The following ZBTB20 variants were observed in gnomAD, a reference collection of about 807,000 sequenced individuals.
The protein encoded by ZBTB20 is zinc finger and BTB domain-containing protein 20.
ZBTB20 carries 9 observed loss-of-function variants against 56.9 expected under a neutral mutation model. The ratio of observed to expected loss-of-function variants is 0.16; its 90% CI spans 0.10 to 0.28. The LOEUF is 0.28. Among genes scored for constraint, ZBTB20 ranks in the 10% least tolerant of loss-of-function variants. The pLI is 1.00. For synonymous variants in ZBTB20, 417 were observed against 420.7 expected, an observed-to-expected ratio of 0.99 and a Z score of 0.11; for missense variants, 655 against 1,003.0, an observed-to-expected ratio of 0.65 and a Z score of 4.69.
intron 6 of ZBTB20, among the ~76,000 whole-genome samples, chr3:114,540,966 C>T (rs2110104144): frequency 6.6e-6 from 1 of 152,118 alleles, no homozygotes; most frequent in East Asian, 1.9e-4. Flanking sequence ...AAGAGAAATA[C>T]TGAACCCTAG....
intron 5 of ZBTB20, 123 bp from the exon 6 acceptor site, chr3:114,693,698 A>G (rs1236972954): frequency 6.6e-6 from 1 of 152,132 alleles, no homozygotes; most frequent in East Asian, 1.9e-4. Flanking sequence ...GTGGTAGTAT[A>G]TAAAAAGTAA....
intron 5 of ZBTB20, among the ~76,000 whole-genome samples, chr3:114,732,677 C>T (rs1336163027): frequency 2.0e-5 from 3 of 152,082 alleles, no homozygotes; most frequent in African/African-American, 7.2e-5. Context: ...TATATAATGC[C>T]TTTATTTTCC....
chr3:114,945,373 G>A (rs1174244422), intron 3 of ZBTB20, among the ~76,000 whole-genome samples: 1 of 144,990 alleles, frequency 6.9e-6, no homozygotes, highest in African/African-American at 2.8e-5. Context: ...ATGCGTATAA[G>A]TATAGAAAAA....
Position 114,331,507 on chromosome 3 carries a change from G to A in ZBTB20, c.*7498C>T, listed in dbSNP as rs1033459033. ...AGAGGCAACTGTATCTATGCACGAG[G>A]ACCTCTGCCTGTGTGTGCTTCCTTT... On this transcript the variant is annotated 3_prime_UTR_variant, in exon 12 of 12. Transcript: ENST00000675478. 1 of 152,164 alleles carries A rather than the reference G, an allele frequency of 6.6e-6. No homozygotes were observed. Among genetic ancestry groups the A allele is most frequent in the Non-Finnish European group, 1.5e-5 (1 of 68,048 alleles). The allele number at this position is 152,164 out of a possible 1,614,324, so 9.4% of individuals were successfully genotyped here.
chr3:114,831,780 A>T (rs778374196), intron 4 of ZBTB20, among the ~76,000 whole-genome samples: 34 of 152,034 alleles, frequency 2.2e-4, no homozygotes, highest in Non-Finnish European at 3.8e-4. Flanking sequence ...TTCTAGTCCC[A>T]ACTCTTTCAA....
intron 10 of ZBTB20, among the ~76,000 whole-genome samples, chr3:114,370,416 C>A (rs555834323): frequency 6.6e-6 from 1 of 152,200 alleles, no homozygotes; most frequent in South Asian, 2.1e-4. Flanking sequence ...GGCTAGTAAT[C>A]CCAAAACCTA....
intron 5 of ZBTB20, among the ~76,000 whole-genome samples, chr3:114,759,436 T>C (rs1235729142): frequency 6.6e-6 from 1 of 152,146 alleles, no homozygotes; most frequent in Non-Finnish European, 1.5e-5. Context: ...TGTATTCAGA[T>C]GGAAACCATA....
At chr3:114,795,810 T>C (rs979685222) in intron 5 of ZBTB20, among the ~76,000 whole-genome samples, 1 of 152,154 alleles carries the variant, frequency 6.6e-6, no homozygotes, top group African/African-American at 2.4e-5. Flanking sequence ...AAGGGATCAT[T>C]TCTATATTTC....
intron 6 of ZBTB20, among the ~76,000 whole-genome samples, chr3:114,655,499 G>C (rs995225564): frequency 2.6e-5 from 4 of 151,450 alleles, no homozygotes; most frequent in African/African-American, 7.3e-5. Flanking sequence ...TGATCCACCC[G>C]CCTCGGCCTC....
At chr3:114,603,578 C>A (rs1013226729) in intron 6 of ZBTB20, among the ~76,000 whole-genome samples, 3 of 151,696 alleles carry the variant, frequency 2.0e-5, no homozygotes, top group Non-Finnish European at 4.4e-5. Context: ...TATTTACAAA[C>A]AAACTTCAGT....
chr3:114,516,754 A>G (rs775697961), intron 6 of ZBTB20, among the ~76,000 whole-genome samples: 3 of 152,186 alleles, frequency 2.0e-5, no homozygotes, highest in Non-Finnish European at 4.4e-5. Flanking sequence ...CGATGACGGC[A>G]GAGATTGGGG....
chr3:114,774,894 C>G (rs963641961), intron 5 of ZBTB20, among the ~76,000 whole-genome samples: 1 of 151,822 alleles, frequency 6.6e-6, no homozygotes, highest in South Asian at 2.1e-4. Flanking sequence ...CTATTAAAAG[C>G]CTTTGTTAGT....
intron 7 of ZBTB20, among the ~76,000 whole-genome samples, chr3:114,426,062 GC>G (rs1481921917): frequency 1.3e-5 from 2 of 151,948 alleles, no homozygotes; most frequent in Non-Finnish European, 2.9e-5. Flanking sequence ...TCAGCCGGGT[GC>G]GGTGGCTCAC....
intron 4 of ZBTB20, among the ~76,000 whole-genome samples, chr3:114,817,934 C>G (rs1347223877): frequency 6.6e-6 from 1 of 152,096 alleles, no homozygotes; most frequent in Admixed American, 6.5e-5. Context: ...AAAAACCCTT[C>G]AAGTGAAAAT....
At position 114,457,635 on chromosome 3, in the gene ZBTB20, T is replaced by C. The variant is rs1489797658; in HGVS notation, c.-255+42717A>G. Among the ~76,000 whole-genome samples, 4 of 152,150 alleles carry C rather than the reference T, an allele frequency of 2.6e-5. 1 individual carries two copies. Among genetic ancestry groups the C allele is most frequent in the Admixed American group, 2.0e-4 (3 of 15,260 alleles). ...CATAATAATAATGATGGCCAACATA[T>C]TACTAATTGGCTTGCCCTAAGCAGT... On this transcript the variant is annotated intron_variant, in intron 7 of 11. Coordinates refer to ENST00000675478, the MANE Select transcript of ZBTB20 (RefSeq NM_001348800.3).
intron 2 of ZBTB20, among the ~76,000 whole-genome samples, chr3:115,058,981 G>A (rs1472359366): frequency 6.6e-6 from 1 of 152,150 alleles, no homozygotes; most frequent in East Asian, 1.9e-4. Flanking sequence ...TACCAATGTA[G>A]TAAATTTTTT....
intron 4 of ZBTB20, among the ~76,000 whole-genome samples, chr3:114,865,212 C>T (rs1197890761): frequency 6.6e-6 from 1 of 152,126 alleles, no homozygotes; most frequent in African/African-American, 2.4e-5. Flanking sequence ...GCTTCTACCC[C>T]TCAACTATGC....
intron 5 of ZBTB20, among the ~76,000 whole-genome samples, chr3:114,720,694 G>T (rs2064853591): frequency 6.6e-6 from 1 of 152,088 alleles, no homozygotes; most frequent in Non-Finnish European, 1.5e-5. Context: ...AACAAGGAAA[G>T]AAACTTCCAA....
chr3:115,000,956 G>A (rs555360777), intron 2 of ZBTB20, among the ~76,000 whole-genome samples: 1 of 151,398 alleles, frequency 6.6e-6, no homozygotes, highest in African/African-American at 2.4e-5. Context: ...TACTAGCAGG[G>A]ACATGCTTAT....
Sources: allele counts gnomAD v4.1 joint callset (sites outside exome capture counted in the v4.1 genomes callset), GRCh38; gene constraint gnomAD v4.1.1; transcripts MANE v1.5; gene names NCBI Gene and HGNC (gene_info 2026-07-23, HGNC 2026-07-21).